Variants in HHLA1 observed in about 807,000 individuals in gnomAD.
HHLA1 encodes the protein HHLA1 neighbor of OC90, also known as HERV-H LTR-associating protein 1.
A neutral mutation model predicts 69.9 loss-of-function variants in HHLA1; 72 were observed. That is an observed-to-expected ratio of 1.03 (90% confidence interval 0.85 to 1.25). The LOEUF is 1.25. Among genes scored for constraint, HHLA1 ranks in the 50% most tolerant of loss-of-function variants. The pLI, the probability that HHLA1 is intolerant of heterozygous loss-of-function variation, is 0.00. For missense variants in HHLA1, 685 were observed against 642.2 expected, an observed-to-expected ratio of 1.07 and a Z score of -0.72; for synonymous variants, 252 against 233.2, an observed-to-expected ratio of 1.08 and a Z score of -0.73.
intron 10 of HHLA1, among the ~76,000 whole-genome samples, chr8:132,084,277 C>T (rs1328979965): frequency 3.3e-5 from 5 of 151,804 alleles, no homozygotes; most frequent in East Asian, 1.9e-4. Context: ...GGACCTAGCT[C>T]GGCCTGGCGA....
At chr8:132,075,695 A>G (rs1449702060) in intron 14 of HHLA1, among the ~76,000 whole-genome samples, 1 of 152,246 alleles carries the variant, frequency 6.6e-6, no homozygotes, top group South Asian at 2.1e-4. Flanking sequence ...AGTGCCCAGC[A>G]TGCTACCCAA....
At chr8:132,087,585 C>T in intron 10 of HHLA1, 68 bp downstream of exon 10, 1 of 954,712 alleles carries the variant, frequency 1.0e-6, no homozygotes, top group South Asian at 1.5e-5. Context: ...AGCTTTCAGT[C>T]ATTAGTGTGC....
intron 7 of HHLA1, among the ~76,000 whole-genome samples, chr8:132,092,952 T>C (rs948714003): frequency 2.6e-5 from 4 of 152,212 alleles, no homozygotes; most frequent in Non-Finnish European, 5.9e-5. Context: ...AGAGCAGCCC[T>C]GGCATGTCTA....
intron 7 of HHLA1, among the ~76,000 whole-genome samples, chr8:132,090,274 A>G (rs1399307609): frequency 2.0e-5 from 3 of 152,184 alleles, no homozygotes; most frequent in Non-Finnish European, 4.4e-5. Context: ...TTGACTGTGA[A>G]AATTCCTAAT....
intron 14 of HHLA1, among the ~76,000 whole-genome samples, chr8:132,075,397 G>A (rs1464906419): frequency 1.3e-5 from 2 of 152,162 alleles, no homozygotes; most frequent in Non-Finnish European, 2.9e-5. Context: ...AAAGAGGAGA[G>A]TGAGATGTCC....
intron 1 of HHLA1, among the ~76,000 whole-genome samples, chr8:132,105,905 TC>T (rs1824195629): frequency 6.6e-6 from 1 of 152,252 alleles, no homozygotes; most frequent in African/African-American, 2.4e-5. Flanking sequence ...GTTCACAGTC[TC>T]TTTCCTTCTC....
At chr8:132,090,205 G>A (rs555826421) in intron 7 of HHLA1, among the ~76,000 whole-genome samples, 18 of 152,312 alleles carry the variant, frequency 1.2e-4, no homozygotes, top group Admixed American at 9.8e-4. Flanking sequence ...TAGAATCATT[G>A]TGAACTTTCT....
At position 132,095,511 on chromosome 8, in the gene HHLA1, G is replaced by A. The variant is rs1371711165; in HGVS notation, c.448+8C>T. On this transcript the variant is annotated splice_region_variant and intron_variant, in intron 7 of 16. Transcript: ENST00000414222. ...AAAGCTGCAAGCCTCATGGTAAGCT[G>A]TACCCACCTGATAAGTCATTGGTCC... 1.3e-6 allele frequency: 2 copies of A among 1,535,260 alleles called. No homozygotes were observed. The highest frequency in any genetic ancestry group is 2.0e-5 in the Admixed American group (1 of 50,910).
intron 15 of HHLA1, among the ~76,000 whole-genome samples, chr8:132,070,585 T>C (rs1324592776): frequency 6.6e-6 from 1 of 152,018 alleles, no homozygotes; most frequent in Non-Finnish European, 1.5e-5. Flanking sequence ...ATTCAACTTA[T>C]CTCAACTCAA....
chr8:132,083,093 G>T (rs150568430), intron 10 of HHLA1, among the ~76,000 whole-genome samples: 7 of 151,484 alleles, frequency 4.6e-5, no homozygotes, highest in Non-Finnish European at 1.0e-4. Flanking sequence ...AGGTGGGGGG[G>T]ATACAAGAGG....
Position 132,071,361 on chromosome 8 carries a change from C to T in HHLA1, c.1448G>A (p.Ser483Asn), listed in dbSNP as rs773741486. ...FQQCLCMSQRSPRTEDMRYCL... is the reference protein window; with the variant it reads ...FQQCLCMSQRNPRTEDMRYCL... ...TTACCTCATGTCCTCTGTCCTGGGA[C>T]TCCTCTGGCTCATGCAGAGGCATTG... The change falls in exon 15 of 17, where the codon AGT becomes AAT. Residue 483 changes from serine (S) to asparagine (N), a missense_variant. Physicochemically the swap from Ser to Asn is conservative, Grantham distance 46. Coordinates refer to ENST00000414222, the MANE Select transcript of HHLA1 (RefSeq NM_001145095.3). 105 of 1,551,486 alleles carry T rather than the reference C, an allele frequency of 6.8e-5. No individual in the cohort carries two copies. Among genetic ancestry groups the T allele is most frequent in the Non-Finnish European group, 8.9e-5 (102 of 1,146,896 alleles).
intron 7 of HHLA1, among the ~76,000 whole-genome samples, chr8:132,089,986 T>C (rs1823922391): frequency 6.6e-6 from 1 of 152,196 alleles, no homozygotes; most frequent in South Asian, 2.1e-4. Flanking sequence ...CACAGATATG[T>C]AATGTAAATT....
intron 5 of HHLA1, among the ~76,000 whole-genome samples, chr8:132,096,304 T>C (rs80337591): frequency 0.021 from 3,140 of 152,314 alleles, 110 homozygotes; most frequent in African/African-American, 0.072. Flanking sequence ...CTCCTTTGCC[T>C]CTTTCTTGTA....
intron 14 of HHLA1, among the ~76,000 whole-genome samples, chr8:132,072,826 A>G (rs1823570662): frequency 6.6e-6 from 1 of 152,168 alleles, no homozygotes; most frequent in South Asian, 2.1e-4. Context: ...ATTCTTGTCT[A>G]AGAGCAATGC....
rs1258862536 is a variant in HHLA1, at chr8:132,063,369, G to A, written c.*626C>T. On this transcript the variant is annotated 3_prime_UTR_variant, in exon 17 of 17. Coordinates refer to ENST00000414222, the MANE Select transcript of HHLA1 (RefSeq NM_001145095.3). ...GTGGGTCACACAGAAGAGGAATCAA[G>A]ACAAGATGTCAATAAAAACAACTCT... 2.6e-5 allele frequency: 4 copies of A among 152,162 alleles called. No individual in the cohort carries two copies. The highest frequency in any genetic ancestry group is 9.7e-5 in the African/African-American group (4 of 41,424). 9.4% of individuals were successfully genotyped at this position (152,162 alleles called of 1,614,324 possible).
At position 132,110,356 on chromosome 8, in the gene HHLA1, T is replaced by G. The variant is rs564449351; in HGVS notation, c.-22+746A>C. ...TTCTAGACAGTTTGCCCAAGGTCAT[T>G]AAGCTGGCAGGGGCAGCCCTGGACT... On this transcript the variant is annotated intron_variant, in intron 1 of 16. Coordinates refer to ENST00000414222, the MANE Select transcript of HHLA1 (RefSeq NM_001145095.3). Among the ~76,000 whole-genome samples the G allele has an allele frequency of 2.6e-5, 4 of 152,064 alleles. No individual in the cohort carries two copies. The South Asian group carries it at 8.3e-4, about 32-fold the overall frequency.
intron 16 of HHLA1, among the ~76,000 whole-genome samples, chr8:132,064,311 A>G (rs1387129239): frequency 6.6e-6 from 1 of 152,218 alleles, no homozygotes; most frequent in East Asian, 1.9e-4. Flanking sequence ...ACCCAGCTGT[A>G]TCTAACGCAT....
At chr8:132,093,620 T>C (rs370166433) in intron 7 of HHLA1, among the ~76,000 whole-genome samples, 2 of 152,326 alleles carry the variant, frequency 1.3e-5, no homozygotes. Flanking sequence ...ATTTTATCAG[T>C]AGATAATGAT....
chr8:132,110,974 C>T (rs1277747554), intron 1 of HHLA1, 128 bp downstream of exon 1: 2 of 152,172 alleles, frequency 1.3e-5, no homozygotes, highest in Non-Finnish European at 2.9e-5. Flanking sequence ...AGAAACTGCT[C>T]TCATATCTTT....
Sources: allele counts gnomAD v4.1 joint callset (sites outside exome capture counted in the v4.1 genomes callset), GRCh38; gene constraint gnomAD v4.1.1; transcripts MANE v1.5; gene names NCBI Gene and HGNC (gene_info 2026-07-23, HGNC 2026-07-21).